FYB2: variants seen among roughly 807,000 people sequenced by gnomAD.
The protein encoded by FYB2 is FYN-binding protein 2.
Under a neutral mutation model 94.1 loss-of-function variants are expected in FYB2, and 103 were observed. That is an observed-to-expected ratio of 1.09 (90% CI 0.93 to 1.29). The LOEUF (loss-of-function observed/expected upper bound fraction) is 1.29. Among genes scored for constraint, FYB2 ranks in the 50% most tolerant of loss-of-function variants. The pLI, the probability that FYB2 is intolerant of heterozygous loss-of-function variation, is 0.00. For synonymous variants in FYB2, 293 were observed against 287.9 expected, an observed-to-expected ratio of 1.02 and a Z score of -0.18; for missense variants, 896 against 841.5, an observed-to-expected ratio of 1.06 and a Z score of -0.80.
Position 56,742,058 on chromosome 1 carries a change from C to T in FYB2, c.1604+103G>A, listed in dbSNP as rs950641310. ...AGATGATGATGGGAGTCGGGGGTGG[C>T]AGTGGGGCTGGGGGGCGGATGGTGG... On this transcript the variant is annotated intron_variant, in intron 12 of 19. Coordinates refer to ENST00000343433, the MANE Select transcript of FYB2 (RefSeq NM_001004303.5). The T allele has an allele frequency of 2.0e-5, 17 of 849,000 alleles. No homozygotes were observed. In the African/African-American group the frequency reaches 2.6e-4, roughly 13 times the overall value. The allele number at this position is 849,000 out of a possible 1,614,324, so 52.6% of individuals were successfully genotyped here. A position where few individuals can be genotyped will look rare whatever the true frequency, so the allele number is the denominator to read the frequency against.
In FYB2 at chr1:56,720,313, A is replaced by G; in HGVS notation, c.1991T>C (p.Ile664Thr). The stretch of plus-strand genomic sequence containing the variant: ...ACAGGCCACTGCTGTATTGATGACA[A>G]TAATCTCTTTGTCGTACTGAAATGA... ...RERFKYDKEI[I>T]VINTAVACSN... The change falls in exon 18 of 20, where the codon ATT becomes ACT. Residue 664 changes from isoleucine to threonine, a missense_variant. Physicochemically the swap from Ile to Thr is moderately conservative, Grantham distance 89 (BLOSUM62 -1). Coordinates refer to ENST00000343433, the MANE Select transcript of FYB2 (RefSeq NM_001004303.5). 1.2e-6 allele frequency: 2 copies of G among 1,602,828 alleles called. No individual in the cohort carries two copies. Among genetic ancestry groups the G allele is most frequent in the Non-Finnish European group, 1.7e-6 (2 of 1,176,504 alleles).
At chr1:56,767,685 GA>G (rs879650358) in intron 5 of FYB2, 143 bp downstream of exon 5, 1,611 of 577,328 alleles carry the variant, frequency 2.8e-3, no homozygotes, top group Admixed American at 4.5e-3. Context: ...ACCAGACACA[GA>G]AAAAAAAAAG....
intron 15 of FYB2, 46 bp from the exon 16 acceptor site, chr1:56,726,629 A>G (rs754383247): frequency 1.3e-6 from 2 of 1,486,230 alleles, no homozygotes; most frequent in Non-Finnish European, 1.9e-6. Context: ...ACTGAATTAT[A>G]TATTCATGGA....
intron 8 of FYB2, 120 bp downstream of exon 8, chr1:56,753,719 A>C: frequency 1.5e-6 from 1 of 660,224 alleles, no homozygotes; most frequent in Non-Finnish European, 2.7e-6. Context: ...ATACAATATC[A>C]AATGCCCATT....
At chr1:56,796,781 T>C (rs12073455) in intron 1 of FYB2, among the ~76,000 whole-genome samples, 7,395 of 152,226 alleles carry the variant, frequency 0.049, 578 homozygotes, top group African/African-American at 0.16. Context: ...CCCTTTCATG[T>C]AGCTGTAACT....
At chr1:56,824,521 G>A (rs1437791961), upstream of FYB2, 2 of 152,244 alleles carry the variant, frequency 1.3e-5, no homozygotes, top group African/African-American at 4.8e-5. Context: ...TTCTATCAAA[G>A]TCTAAGAGTT....
intron 8 of FYB2, among the ~76,000 whole-genome samples, chr1:56,753,388 A>T (rs1645247515): frequency 6.6e-6 from 1 of 152,104 alleles, no homozygotes; most frequent in South Asian, 2.1e-4. Context: ...ATCACCACAA[A>T]CGAGGTAGAA....
Position 56,757,747 on chromosome 1 carries a change from T to C in FYB2, c.1098+969A>G, listed in dbSNP as rs796212094. Among the ~76,000 whole-genome samples, 53 of 128,864 alleles carry C rather than the reference T, an allele frequency of 4.1e-4. 2 individuals are homozygous for C. Among genetic ancestry groups the C allele is most frequent in the African/African-American group, 1.6e-3 (51 of 32,790 alleles). 84.5% of individuals were successfully genotyped at this position (128,864 alleles called of 152,430 possible). A position where few individuals can be genotyped will look rare whatever the true frequency, so the allele number is the denominator to read the frequency against. On this transcript the variant is annotated intron_variant, in intron 6 of 19. Transcript: ENST00000343433. ...CTTTCTTTCTTTCATTCTTTCTTTC[T>C]TTCTTTCTTTTCATTCTTTCTTTTT...
At chr1:56,825,104 G>A in the FYB2 span, 1 of 152,226 alleles carries the variant, frequency 6.6e-6, no homozygotes, top group Non-Finnish European at 1.5e-5. Context: ...ATGGAGGTCA[G>A]TGTATTCATT....
intron 1 of FYB2, among the ~76,000 whole-genome samples, chr1:56,811,570 C>T (rs935395037): frequency 1.3e-5 from 2 of 152,202 alleles, no homozygotes; most frequent in South Asian, 4.1e-4. Flanking sequence ...TGACTCAAGA[C>T]AGTCACTGGA....
intron 1 of FYB2, among the ~76,000 whole-genome samples, chr1:56,811,308 TAA>T (rs1646761692): frequency 6.6e-6 from 1 of 152,212 alleles, no homozygotes; most frequent in African/African-American, 2.4e-5. Flanking sequence ...AAATGCATTT[TAA>T]AAGTTTTTCC....
At chr1:56,822,524 G>C (rs962772225), upstream of FYB2, among the ~76,000 whole-genome samples, 3 of 152,152 alleles carry the variant, frequency 2.0e-5, no homozygotes, top group African/African-American at 7.2e-5. Context: ...CAGGGATGAC[G>C]TGCCATACTC....
intron 6 of FYB2, 71 bp from the exon 7 acceptor site, chr1:56,755,998 TC>T: frequency 6.9e-7 from 1 of 1,456,624 alleles, no homozygotes; most frequent in South Asian, 1.2e-5. Context: ...TGGTTACAGA[TC>T]ATTAGAGACT....
intron 1 of FYB2, among the ~76,000 whole-genome samples, chr1:56,802,409 A>T (rs1331468685): frequency 6.6e-6 from 1 of 152,210 alleles, no homozygotes; most frequent in African/African-American, 2.4e-5. Context: ...GGTGTAAATG[A>T]AAATTAGTGA....
intron 17 of FYB2, among the ~76,000 whole-genome samples, chr1:56,722,681 G>C (rs2100482658): frequency 6.6e-6 from 1 of 152,160 alleles, no homozygotes; most frequent in African/African-American, 2.4e-5. Context: ...AGAACTATGA[G>C]CAGTTTGTTG....
chr1:56,811,612 G>C (rs942081336), intron 1 of FYB2, among the ~76,000 whole-genome samples: 1 of 152,220 alleles, frequency 6.6e-6, no homozygotes, highest in African/African-American at 2.4e-5. Flanking sequence ...AAGTACCACA[G>C]ACTATGTGGC....
chr1:56,754,910 G>T (rs906625099), intron 7 of FYB2, among the ~76,000 whole-genome samples: 1 of 152,038 alleles, frequency 6.6e-6, no homozygotes, highest in South Asian at 2.1e-4. Flanking sequence ...GTGCTACAAG[G>T]TATTTATGAA....
intron 4 of FYB2, among the ~76,000 whole-genome samples, chr1:56,772,075 G>T (rs1026294782): frequency 6.6e-6 from 1 of 151,930 alleles, no homozygotes; most frequent in Non-Finnish European, 1.5e-5. Flanking sequence ...TCATATTTTT[G>T]TTCCCCTCCC....
intron 3 of FYB2, 27 bp downstream of exon 3, chr1:56,788,946 T>C (rs1646195131): frequency 3.7e-6 from 6 of 1,613,624 alleles, no homozygotes; most frequent in Non-Finnish European, 5.1e-6. Flanking sequence ...TGGTTGGCCT[T>C]GTGTAGGGCC....
Sources: allele counts gnomAD v4.1 joint callset (sites outside exome capture counted in the v4.1 genomes callset), GRCh38; gene constraint gnomAD v4.1.1; transcripts MANE v1.5; gene names NCBI Gene and HGNC (gene_info 2026-07-23, HGNC 2026-07-21).